Variants in EFCAB6 observed in about 807,000 individuals in gnomAD.
The protein encoded by EFCAB6 is EF-hand calcium binding domain 6.
In EFCAB6, 156 loss-of-function variants were observed where a neutral mutation model predicts 169.8. That is an observed-to-expected ratio of 0.92 (90% confidence interval 0.81 to 1.05). The LOEUF (loss-of-function observed/expected upper bound fraction) is 1.05. Ranked by LOEUF, EFCAB6 falls within the 50% of genes least tolerant of loss-of-function variation. The probability of loss-of-function intolerance (pLI) is 0.00; values close to 1 mark genes in which losing one functional copy is unlikely to be tolerated. For missense variants in EFCAB6, 1,800 were observed against 1,829.1 expected, an observed-to-expected ratio of 0.98 and a Z score of 0.29; for synonymous variants, 698 against 676.4, an observed-to-expected ratio of 1.03 and a Z score of -0.50.
intron 23 of EFCAB6, among the ~76,000 whole-genome samples, chr22:43,591,157 T>C (rs2051512123): frequency 6.6e-6 from 1 of 150,402 alleles, no homozygotes; most frequent in African/African-American, 2.4e-5. Flanking sequence ...AGGCTTTTTA[T>C]TGTTAAGAAA....
chr22:43,641,681 G>C (rs548054344), intron 17 of EFCAB6, among the ~76,000 whole-genome samples: 1 of 152,024 alleles, frequency 6.6e-6, no homozygotes, highest in Non-Finnish European at 1.5e-5. Context: ...CACACAAAAG[G>C]ATCCAGGAGG....
At chr22:43,619,463 T>A (rs540708138) in intron 20 of EFCAB6, among the ~76,000 whole-genome samples, 1 of 152,244 alleles carries the variant, frequency 6.6e-6, no homozygotes, top group Admixed American at 6.5e-5. Flanking sequence ...TAATGCTCAA[T>A]GTAAAAGACA....
chr22:43,796,970 A>C (rs553192911), intron 2 of EFCAB6, among the ~76,000 whole-genome samples: 3 of 152,296 alleles, frequency 2.0e-5, no homozygotes, highest in Non-Finnish European at 2.9e-5. Context: ...GCTGAGCACC[A>C]AATTAAGGTC....
At chr22:43,684,754 T>A (rs1420068973) in intron 11 of EFCAB6, among the ~76,000 whole-genome samples, 1 of 152,228 alleles carries the variant, frequency 6.6e-6, no homozygotes, top group Non-Finnish European at 1.5e-5. Flanking sequence ...TAGAACCTTC[T>A]TTTTCTATAG....
chr22:43,541,584 A>C (rs946912585), intron 27 of EFCAB6, among the ~76,000 whole-genome samples: 1 of 149,198 alleles, frequency 6.7e-6, no homozygotes, highest in African/African-American at 2.5e-5. Context: ...TTGCATTCTG[A>C]CCAACGAGGA....
intron 8 of EFCAB6, among the ~76,000 whole-genome samples, chr22:43,731,133 A>G (rs2059931440): frequency 6.6e-6 from 1 of 152,110 alleles, no homozygotes; most frequent in Non-Finnish European, 1.5e-5. Context: ...ACTCTCTCCA[A>G]AGCTACCCAG....
chr22:43,714,204 C>T (rs765680807), intron 9 of EFCAB6, among the ~76,000 whole-genome samples: 3 of 151,814 alleles, frequency 2.0e-5, no homozygotes, highest in Admixed American at 6.6e-5. Context: ...AAAGGAGTGC[C>T]GTGGAAGAAT....
In EFCAB6 at chr22:43,600,102, A is replaced by G; in HGVS notation, c.2843T>C (p.Leu948Pro). ...PQQLQEEMKE[L>P]QQSTEKAVAA... ...CACAGCCTTCTCTGTGCTCTGCTGC[A>G]GCTCCTTCATCTCTTCCTGTAGCTG... Residue 948 changes from leucine to proline, a missense_variant, in exon 23 of 32, where the codon CTG (leucine) becomes CCG (proline). Leu to Pro is a moderately conservative substitution (Grantham distance 98). Coordinates refer to ENST00000262726, the MANE Select transcript of EFCAB6 (RefSeq NM_022785.4). 9.9e-6 allele frequency: 16 copies of G among 1,614,120 alleles called. No individual in the cohort carries two copies. Among genetic ancestry groups the G allele is most frequent in the Non-Finnish European group, 1.4e-5 (16 of 1,180,022 alleles).
intron 10 of EFCAB6, among the ~76,000 whole-genome samples, chr22:43,706,384 G>T (rs2058961640): frequency 6.6e-6 from 1 of 152,180 alleles, no homozygotes; most frequent in Non-Finnish European, 1.5e-5. Flanking sequence ...GTAGTCCCCT[G>T]CTGATTCTTT....
At chr22:43,568,294 T>C (rs1374362237) in intron 26 of EFCAB6, among the ~76,000 whole-genome samples, 1 of 152,254 alleles carries the variant, frequency 6.6e-6, no homozygotes, top group African/African-American at 2.4e-5. Flanking sequence ...GGGTGTGTGA[T>C]GACAGTTAAG....
chr22:43,574,738 G>A (rs769770342), intron 26 of EFCAB6, among the ~76,000 whole-genome samples: 4 of 152,062 alleles, frequency 2.6e-5, no homozygotes, highest in South Asian at 2.1e-4. Flanking sequence ...TATTTGCGAC[G>A]CACATGACAA....
chr22:43,685,302 G>A (rs142045356), intron 11 of EFCAB6, among the ~76,000 whole-genome samples: 132 of 152,206 alleles, frequency 8.7e-4, no homozygotes, highest in Non-Finnish European at 1.4e-3. Flanking sequence ...CTGCGAGGGC[G>A]TTTCTGGAGA....
At chr22:43,577,694 C>T (rs2050348997) in intron 25 of EFCAB6, among the ~76,000 whole-genome samples, 2 of 152,100 alleles carry the variant, frequency 1.3e-5, no homozygotes, top group Admixed American at 1.3e-4. Context: ...AGAATGAACA[C>T]AGACAACTGT....
At position 43,784,519 on chromosome 22, in the gene EFCAB6, G is replaced by A. The variant is rs796388968; in HGVS notation, c.-7-2194C>T. ...AAAAAAAAAATATATATATGTGTGT[G>A]TGTGTGTGTGTGTGTGTGTGTGTGT... On this transcript the variant is annotated intron_variant, in intron 2 of 31. Transcript: ENST00000262726. Among the ~76,000 whole-genome samples the A allele has an allele frequency of 1.7e-3, 211 of 122,100 alleles. 8 individuals carry two copies. Among genetic ancestry groups the A allele is most frequent in the Middle Eastern group, 4.2e-3 (1 of 236 alleles). The allele number at this position is 122,100 out of a possible 152,430, so 80.1% of individuals were successfully genotyped here.
rs964667173 is a variant in EFCAB6 at position 43,580,613 on chromosome 22, G to C, written c.3079C>G (p.Leu1027Val). The stretch of plus-strand genomic sequence containing the variant: ...GACTTGCTGTTCTCCACTGCTCTCA[G>C]GAAGTCGAGGTAATTGATAGCATTA... ...HDNAINYLDF[L>V]RAVENSKSTG... is the part of the protein sequence containing the mutation. Residue 1027 changes from leucine (L) to valine (V), a missense_variant, in exon 25 of 32, where the codon CTG (leucine) becomes GTG (valine). Transcript: ENST00000262726. 8.1e-6 allele frequency: 13 copies of C among 1,614,006 alleles called. No homozygotes were observed. The highest frequency in any genetic ancestry group is 2.7e-5 in the African/African-American group (2 of 74,898).
intron 11 of EFCAB6, among the ~76,000 whole-genome samples, chr22:43,684,090 G>A (rs956163628): frequency 1.3e-5 from 2 of 152,058 alleles, no homozygotes; most frequent in Non-Finnish European, 2.9e-5. Flanking sequence ...CTCCCCACGA[G>A]ACCAACTCAT....
chr22:43,692,308 C>A (rs1439123988), intron 10 of EFCAB6, among the ~76,000 whole-genome samples: 1 of 152,108 alleles, frequency 6.6e-6, no homozygotes, highest in Non-Finnish European at 1.5e-5. Flanking sequence ...TTTAGAGTCT[C>A]CACAATTTAA....
In EFCAB6 at chr22:43,766,122, G is replaced by A. The variant is rs142441393; in HGVS notation, c.352-729C>T. Among the ~76,000 whole-genome samples, 244 of 152,140 alleles carry A rather than the reference G, an allele frequency of 1.6e-3. 1 individual carries two copies. Among genetic ancestry groups the A allele is most frequent in the African/African-American group, 5.3e-3 (221 of 41,512 alleles). ...AGAATCTCGGCCCACTGCAACCTTC[G>A]CCTCCCCGGTTCATGCAATTCTCCT... On this transcript the variant is annotated intron_variant, in intron 4 of 31. Transcript: ENST00000262726.
At chr22:43,700,754 A>C (rs2058738745) in intron 10 of EFCAB6, among the ~76,000 whole-genome samples, 1 of 152,160 alleles carries the variant, frequency 6.6e-6, no homozygotes, top group Non-Finnish European at 1.5e-5. Flanking sequence ...CACTTAGCAC[A>C]ATGTCTTTGA....
Sources: allele counts gnomAD v4.1 joint callset (sites outside exome capture counted in the v4.1 genomes callset), GRCh38; gene constraint gnomAD v4.1.1; transcripts MANE v1.5; gene names NCBI Gene and HGNC (gene_info 2026-07-23, HGNC 2026-07-21).